Variants in BCAS3 observed in about 807,000 individuals in gnomAD.
The protein encoded by BCAS3 is BCAS4/BCAS3 fusion.
In BCAS3, 53 loss-of-function variants were observed where a neutral mutation model predicts 116.1. The ratio of observed to expected loss-of-function variants is 0.46; its 90% CI spans 0.37 to 0.57. The LOEUF (loss-of-function observed/expected upper bound fraction) is 0.57, where lower values mean the gene tolerates loss of function less well. BCAS3 is among the 20% of genes least tolerant of loss of function. The pLI is 0.00. For missense variants in BCAS3, 917 were observed against 1,165.4 expected, an observed-to-expected ratio of 0.79 and a Z score of 3.10; for synonymous variants, 391 against 408.2, an observed-to-expected ratio of 0.96 and a Z score of 0.51.
intron 6 of BCAS3, among the ~76,000 whole-genome samples, chr17:60,766,813 C>T (rs951293086): frequency 1.3e-5 from 2 of 152,222 alleles, no homozygotes; most frequent in African/African-American, 4.8e-5. Context: ...GTGGAGTCTA[C>T]AGAGGCAGGC....
chr17:61,322,982 G>A (rs1163972466), intron 22 of BCAS3, among the ~76,000 whole-genome samples: 1 of 151,896 alleles, frequency 6.6e-6, no homozygotes, highest in Non-Finnish European at 1.5e-5. Flanking sequence ...TGAAAACAAG[G>A]CGCCTTCCTT....
chr17:61,359,717 C>T (rs186815881), intron 22 of BCAS3, among the ~76,000 whole-genome samples: 167 of 152,328 alleles, frequency 1.1e-3, no homozygotes, highest in African/African-American at 3.6e-3. Flanking sequence ...TCTCAGACTC[C>T]TGACTTCAGG....
At chr17:61,135,271 G>C (rs944835136) in intron 22 of BCAS3, among the ~76,000 whole-genome samples, 1 of 152,200 alleles carries the variant, frequency 6.6e-6, no homozygotes, top group Non-Finnish European at 1.5e-5. Flanking sequence ...TAGGGAGCAA[G>C]TTTAAGACTG....
At chr17:60,775,693 A>G (rs1439235828) in intron 6 of BCAS3, among the ~76,000 whole-genome samples, 1 of 152,210 alleles carries the variant, frequency 6.6e-6, no homozygotes, top group African/African-American at 2.4e-5. Flanking sequence ...AAACCTTCTA[A>G]TATTAAAAGA....
chr17:60,757,861 A>G (rs764297043), intron 6 of BCAS3, among the ~76,000 whole-genome samples: 3 of 151,716 alleles, frequency 2.0e-5, no homozygotes, highest in Non-Finnish European at 2.9e-5. Context: ...AGTGTTTTCC[A>G]TATATATATA....
At chr17:61,336,848 C>G (rs777015492) in intron 22 of BCAS3, among the ~76,000 whole-genome samples, 2 of 152,172 alleles carry the variant, frequency 1.3e-5, no homozygotes, top group Non-Finnish European at 2.9e-5. Context: ...CGTGGTGGCT[C>G]ACACCTGTAA....
chr17:61,218,199 T>A (rs2081914747), intron 22 of BCAS3, among the ~76,000 whole-genome samples: 1 of 152,196 alleles, frequency 6.6e-6, no homozygotes, highest in Admixed American at 6.5e-5. Context: ...CAGTCTGAAG[T>A]CCCCTCTCTA....
chr17:61,049,658 G>GCCA (rs2068657276), intron 19 of BCAS3, among the ~76,000 whole-genome samples: 1 of 150,516 alleles, frequency 6.6e-6, no homozygotes, highest in Non-Finnish European at 1.5e-5. Flanking sequence ...CTTAAAAGCA[G>GCCA]CCAGAGGAAA....
intron 7 of BCAS3, among the ~76,000 whole-genome samples, chr17:60,863,922 A>AC (rs1394640283): frequency 6.6e-6 from 1 of 152,200 alleles, no homozygotes; most frequent in African/African-American, 2.4e-5. Flanking sequence ...AGTCCTGGTT[A>AC]CCCCTTACGG....
Position 61,391,645 on chromosome 17 carries a change from T to C in BCAS3, c.2594-332T>C, listed in dbSNP as rs758970924. On this transcript the variant is annotated intron_variant, in intron 23 of 23. Transcript: ENST00000407086. This position sits in a 1 kb window ranked among gnomAD's most constrained non-coding sequence, Gnocchi z 7.7. ...TGGGGGCATGCTGGCTGAGCATGAG[T>C]GTGTGCAGGCGTGGGTACGGGCTCA... 4.3e-6 allele frequency: 1 copy of C among 231,958 alleles called. No homozygotes were observed. The highest frequency in any genetic ancestry group is 8.3e-6 in the Non-Finnish European group (1 of 120,428). 14.4% of individuals were successfully genotyped at this position (231,958 alleles called of 1,614,324 possible). A position where few individuals can be genotyped will look rare whatever the true frequency, so the allele number is the denominator to read the frequency against.
rs1602830721 is a variant in BCAS3 at position 61,339,166 on chromosome 17, A to G, written c.2426-29161A>G. On this transcript the variant is annotated intron_variant, in intron 22 of 23. Coordinates refer to ENST00000407086, the MANE Select transcript of BCAS3 (RefSeq NM_017679.5). The surrounding 1 kb of genome is among the most constrained non-coding windows in gnomAD (Gnocchi z 4.4). ...GAGGATGCAGAAACTGACGATTGGCAGTCATCTTCCCAGCTCTCGGCTTCA... is the reference window on the plus strand; with the variant it reads ...GAGGATGCAGAAACTGACGATTGGCGGTCATCTTCCCAGCTCTCGGCTTCA... Among the ~76,000 whole-genome samples the G allele has an allele frequency of 6.6e-6, 1 of 152,292 alleles. No homozygotes were observed. The highest frequency in any genetic ancestry group is 1.5e-5 in the Non-Finnish European group (1 of 68,032).
chr17:61,050,717 T>C (rs1358596088), intron 19 of BCAS3, among the ~76,000 whole-genome samples: 2 of 152,004 alleles, frequency 1.3e-5, no homozygotes, highest in Non-Finnish European at 2.9e-5. Flanking sequence ...AAATTAGATT[T>C]AAAAAGTAAG....
chr17:60,913,006 A>G (rs554569928), intron 12 of BCAS3, among the ~76,000 whole-genome samples: 3 of 152,196 alleles, frequency 2.0e-5, no homozygotes, highest in African/African-American at 7.2e-5. Flanking sequence ...ATATTAAAAC[A>G]TGACATTTAG....
At position 60,910,644 on chromosome 17, in the gene BCAS3, G is replaced by C; in HGVS notation, c.935G>C (p.Ser312Thr). ...DVAIHSNSRRSPLVPGIITVI... is the reference protein window; with the variant it reads ...DVAIHSNSRRTPLVPGIITVI... ...GCCATCCACAGTAATTCACGGCGGAGTCCTTTGGTCCCAGGCATCATCACA... is the reference window on the plus strand; with the variant it reads ...GCCATCCACAGTAATTCACGGCGGACTCCTTTGGTCCCAGGCATCATCACA... Residue 312 changes from serine to threonine, a missense_variant, in exon 12 of 24, where the codon AGT (serine) becomes ACT (threonine). Coordinates refer to ENST00000407086, the MANE Select transcript of BCAS3 (RefSeq NM_017679.5). The C allele has an allele frequency of 6.2e-7, 1 of 1,613,416 alleles. No individual in the cohort carries two copies. Among genetic ancestry groups the C allele is most frequent in the African/African-American group, 1.3e-5 (1 of 74,978 alleles).
chr17:61,172,456 AC>A (rs1168982298), intron 22 of BCAS3, among the ~76,000 whole-genome samples: 84 of 141,622 alleles, frequency 5.9e-4, no homozygotes, highest in Middle Eastern at 9.5e-3. Flanking sequence ...ACACGGTGAA[AC>A]CCCGTCTCTA....
chr17:61,289,322 G>A (rs2052149171), intron 22 of BCAS3, among the ~76,000 whole-genome samples: 1 of 152,142 alleles, frequency 6.6e-6, no homozygotes, highest in South Asian at 2.1e-4. Context: ...ATCTTCACAT[G>A]ATCTCAGTTT....
At position 61,186,387 on chromosome 17, in the gene BCAS3, C is replaced by A. The variant is rs2079776416; in HGVS notation, c.2425+101823C>A. Among the ~76,000 whole-genome samples, 1 of 152,092 alleles carries A rather than the reference C, an allele frequency of 6.6e-6. No individual in the cohort carries two copies. Among genetic ancestry groups the A allele is most frequent in the Non-Finnish European group, 1.5e-5 (1 of 68,008 alleles). ...TACTGCTTAACGAAAACATTTTTAACCTGTGTGTTGATTTTATTACAATTA... is the reference window on the plus strand; with the variant it reads ...TACTGCTTAACGAAAACATTTTTAAACTGTGTGTTGATTTTATTACAATTA... On this transcript the variant is annotated intron_variant, in intron 22 of 23. Transcript: ENST00000407086. This position sits in a 1 kb window ranked among gnomAD's most constrained non-coding sequence, Gnocchi z 4.9.
intron 16 of BCAS3, among the ~76,000 whole-genome samples, chr17:61,031,572 A>G (rs1459856953): frequency 1.3e-5 from 2 of 152,084 alleles, no homozygotes; most frequent in Non-Finnish European, 2.9e-5. Context: ...TGCAAATCTT[A>G]AAGACACACA....
chr17:60,924,648 G>A (rs1599724625), intron 13 of BCAS3, 148 bp downstream of exon 13: 1 of 522,368 alleles, frequency 1.9e-6, no homozygotes, highest in East Asian at 3.1e-5. Flanking sequence ...ATTGAATAAA[G>A]GAATTTATAA....
Sources: allele counts gnomAD v4.1 joint callset (sites outside exome capture counted in the v4.1 genomes callset), GRCh38; gene constraint gnomAD v4.1.1; non-coding constraint Gnocchi (gnomAD v3.1); transcripts MANE v1.5; gene names NCBI Gene and HGNC (gene_info 2026-07-23, HGNC 2026-07-21).